The following EXOC4 variants were observed in gnomAD, a reference collection of about 807,000 sequenced individuals.
The protein encoded by EXOC4 is SEC8-like 1.
EXOC4 carries 71 observed loss-of-function variants against 107.2 expected under a neutral mutation model. That is an observed-to-expected ratio of 0.66 (90% confidence interval 0.55 to 0.81). The LOEUF is 0.81. Among genes scored for constraint, EXOC4 ranks in the 30% least tolerant of loss-of-function variants. EXOC4 has a pLI of 0.00. For missense variants in EXOC4, 1,108 were observed against 1,189.6 expected, an observed-to-expected ratio of 0.93 and a Z score of 1.01; for synonymous variants, 456 against 441.2, an observed-to-expected ratio of 1.03 and a Z score of -0.42.
chr7:133,726,460 C>T (rs1255810072), intron 10 of EXOC4, among the ~76,000 whole-genome samples: 1 of 152,224 alleles, frequency 6.6e-6, no homozygotes, highest in Non-Finnish European at 1.5e-5. Flanking sequence ...ACAACACCCC[C>T]TTACCCCATT....
intron 9 of EXOC4, among the ~76,000 whole-genome samples, chr7:133,580,779 G>T (rs1448157695): frequency 6.6e-6 from 1 of 152,166 alleles, no homozygotes; most frequent in East Asian, 1.9e-4. Flanking sequence ...CTGCATCTTA[G>T]TGTAGTGACT....
chr7:133,678,006 C>G (rs1451028445), intron 10 of EXOC4, among the ~76,000 whole-genome samples: 1 of 152,042 alleles, frequency 6.6e-6, no homozygotes, highest in Non-Finnish European at 1.5e-5. Flanking sequence ...TTCATTGCCT[C>G]CTGCATTTGT....
At chr7:133,921,581 A>AT (rs1252061270) in intron 13 of EXOC4, among the ~76,000 whole-genome samples, 4 of 151,420 alleles carry the variant, frequency 2.6e-5, no homozygotes, top group Non-Finnish European at 4.4e-5. Context: ...CCTCTATAGG[A>AT]TTTTTTTTCC....
At chr7:133,260,676 C>T (rs1332564149) in intron 1 of EXOC4, among the ~76,000 whole-genome samples, 2 of 152,136 alleles carry the variant, frequency 1.3e-5, no homozygotes, top group East Asian at 3.8e-4. Flanking sequence ...TGCAATAAAA[C>T]CTGCTGGGAT....
chr7:133,427,420 A>G (rs1219605251), intron 7 of EXOC4, among the ~76,000 whole-genome samples: 9 of 152,202 alleles, frequency 5.9e-5, no homozygotes, highest in Admixed American at 5.9e-4. Context: ...CTATTATCTT[A>G]TGGAATGCCA....
At chr7:133,341,624 G>A (rs940086614) in intron 5 of EXOC4, among the ~76,000 whole-genome samples, 2 of 152,194 alleles carry the variant, frequency 1.3e-5, no homozygotes, top group African/African-American at 4.8e-5. Flanking sequence ...AGTGCTGTCA[G>A]TGGAGTATTG....
intron 6 of EXOC4, among the ~76,000 whole-genome samples, chr7:133,360,295 C>A (rs980658378): frequency 6.6e-6 from 1 of 152,156 alleles, no homozygotes; most frequent in African/African-American, 2.4e-5. Context: ...AGAAAAACTT[C>A]TCAAAGATGT....
intron 10 of EXOC4, among the ~76,000 whole-genome samples, chr7:133,649,299 C>G (rs796187411): frequency 3.3e-5 from 5 of 152,098 alleles, no homozygotes; most frequent in African/African-American, 1.2e-4. Flanking sequence ...GCACCACTTT[C>G]TTTGCTCTTT....
intron 17 of EXOC4, among the ~76,000 whole-genome samples, chr7:134,058,375 T>TC (rs1795978700): frequency 1.3e-5 from 2 of 151,870 alleles, no homozygotes; most frequent in Admixed American, 1.3e-4. Flanking sequence ...TTATCTCCCT[T>TC]CCCCAAAAAA....
intron 7 of EXOC4, among the ~76,000 whole-genome samples, chr7:133,403,430 C>T (rs1168609057): frequency 6.6e-6 from 1 of 152,110 alleles, no homozygotes; most frequent in Admixed American, 6.5e-5. Context: ...CATGTTTGAC[C>T]CAGAGCTGAA....
intron 10 of EXOC4, among the ~76,000 whole-genome samples, chr7:133,727,135 T>C (rs944749545): frequency 6.6e-6 from 1 of 152,236 alleles, no homozygotes; most frequent in Non-Finnish European, 1.5e-5. Flanking sequence ...AATCTGTTTT[T>C]GTTATTGATC....
chr7:133,637,426 C>T (rs2151021351), intron 10 of EXOC4, among the ~76,000 whole-genome samples: 1 of 152,272 alleles, frequency 6.6e-6, no homozygotes, highest in South Asian at 2.1e-4. Context: ...ATATTATTCT[C>T]AGTGTTCACA....
At chr7:133,838,658 G>A (rs1307538520) in intron 11 of EXOC4, among the ~76,000 whole-genome samples, 3 of 152,158 alleles carry the variant, frequency 2.0e-5, no homozygotes, top group Non-Finnish European at 2.9e-5. Context: ...AAGCACTCAG[G>A]TAATAGCTAT....
intron 13 of EXOC4, among the ~76,000 whole-genome samples, chr7:133,919,354 G>T (rs1057509583): frequency 2.6e-5 from 4 of 152,130 alleles, no homozygotes; most frequent in African/African-American, 9.7e-5. Context: ...TGTTATAATT[G>T]ATGAGCTAAT....
At chr7:133,863,249 G>A (rs10272221) in intron 11 of EXOC4, among the ~76,000 whole-genome samples, 2,353 of 152,098 alleles carry the variant, frequency 0.015, 64 homozygotes, top group African/African-American at 0.053. Context: ...CTTCCATACT[G>A]GTGCTGGATC....
At position 133,954,678 on chromosome 7, in the gene EXOC4, G is replaced by C. The variant is rs1800773335; in HGVS notation, c.2206+16609G>C. 2.6e-5 allele frequency among the ~76,000 whole-genome samples: 4 copies of C among 152,350 alleles called. No homozygotes were observed. In the South Asian group the frequency reaches 8.3e-4, roughly 32 times the overall value. ...GGTGCCTTTGCCCGAGTTTTGCTCA[G>C]GACCACTGGGCTCACTTGACCTGGC... On this transcript the variant is annotated intron_variant, in intron 14 of 17. Coordinates refer to ENST00000253861, the MANE Select transcript of EXOC4 (RefSeq NM_021807.4).
intron 17 of EXOC4, among the ~76,000 whole-genome samples, chr7:134,012,313 C>T (rs1350758880): frequency 6.6e-6 from 1 of 152,068 alleles, no homozygotes; most frequent in Non-Finnish European, 1.5e-5. Context: ...CAATAATCTT[C>T]TAGGTAAAAG....
intron 9 of EXOC4, among the ~76,000 whole-genome samples, chr7:133,605,808 T>G (rs1282028345): frequency 6.6e-6 from 1 of 152,044 alleles, no homozygotes; most frequent in East Asian, 1.9e-4. Flanking sequence ...GCCACCAGGT[T>G]AAATGAAATC....
At chr7:133,450,262 C>G (rs1161659402) in intron 7 of EXOC4, among the ~76,000 whole-genome samples, 1 of 152,084 alleles carries the variant, frequency 6.6e-6, no homozygotes, top group East Asian at 1.9e-4. Context: ...CTCTTCGGCT[C>G]AAGCAATCCT....
Sources: allele counts gnomAD v4.1 joint callset (sites outside exome capture counted in the v4.1 genomes callset), GRCh38; gene constraint gnomAD v4.1.1; transcripts MANE v1.5; gene names NCBI Gene and HGNC (gene_info 2026-07-23, HGNC 2026-07-21).